The following PRMT2 variants were observed in gnomAD, a reference collection of about 807,000 sequenced individuals.
The protein encoded by PRMT2 is protein arginine methyltransferase 2, also known as protein arginine N-methyltransferase 2.
PRMT2 carries 26 observed loss-of-function variants against 57.6 expected under a neutral mutation model. The ratio of observed to expected loss-of-function variants is 0.45; its 90% confidence interval spans 0.33 to 0.63. PRMT2 has a LOEUF of 0.63. Among genes scored for constraint, PRMT2 ranks in the 20% least tolerant of loss-of-function variants. The pLI, the probability that PRMT2 is intolerant of heterozygous loss-of-function variation, is 0.02. For synonymous variants in PRMT2, 219 were observed against 220.0 expected (o/e 1.00, Z 0.04); for missense variants, 472 against 564.4 (o/e 0.84, Z 1.66).
intron 7 of PRMT2, among the ~76,000 whole-genome samples, chr21:46,651,569 G>A (rs891621823): frequency 3.9e-5 from 6 of 152,054 alleles, no homozygotes; most frequent in African/African-American, 4.8e-5. Context: ...GGGGGAAGGC[G>A]GAGCTTTGCA....
In PRMT2 at chr21:46,663,439, C is replaced by T; in HGVS notation, c.1154C>T (p.Thr385Ile). Residue 385 changes from threonine to isoleucine, a missense_variant, in exon 11 of 12, where the codon ACA becomes ATA. Coordinates refer to ENST00000355680, the MANE Select transcript of PRMT2 (RefSeq NM_206962.4). ...FMMDDPVPVH[T>I]GDVVTGSVVL... Reference sequence around the variant, plus strand: ...ATGGACGACCCAGTCCCTGTCCATACAGGAGACGTGGTCACGGGTTCAGTT... The same window carrying T: ...ATGGACGACCCAGTCCCTGTCCATATAGGAGACGTGGTCACGGGTTCAGTT... 2 of 1,614,206 alleles carry T rather than the reference C, an allele frequency of 1.2e-6. No homozygotes were observed. The highest frequency in any genetic ancestry group is 1.1e-5 in the South Asian group (1 of 91,090).
chr21:46,655,854 C>T (rs927683699), intron 7 of PRMT2, among the ~76,000 whole-genome samples: 10 of 152,066 alleles, frequency 6.6e-5, no homozygotes, highest in South Asian at 2.1e-4. Flanking sequence ...CTAGTAAAGA[C>T]GTATGTTCTT....
chr21:46,658,501 C>A, intron 7 of PRMT2: 1 of 534,312 alleles, frequency 1.9e-6, no homozygotes, highest in Non-Finnish European at 3.1e-6. Flanking sequence ...TAGCTCTGCT[C>A]CAGTTCATAG....
intron 7 of PRMT2, chr21:46,652,444 T>A: frequency 9.6e-7 from 1 of 1,046,662 alleles, no homozygotes; most frequent in Non-Finnish European, 1.2e-6. Flanking sequence ...GGTAACCTCA[T>A]GGAAGGTGAG....
chr21:46,656,433 G>T (rs1347905758), intron 7 of PRMT2, among the ~76,000 whole-genome samples: 1 of 152,188 alleles, frequency 6.6e-6, no homozygotes, highest in East Asian at 1.9e-4. Context: ...AAAGTTGGAG[G>T]AACTATACTA....
intron 10 of PRMT2, among the ~76,000 whole-genome samples, chr21:46,662,605 C>T (rs990562033): frequency 2.0e-5 from 3 of 152,110 alleles, no homozygotes; most frequent in African/African-American, 7.2e-5. Flanking sequence ...TACCCATCCC[C>T]GAGTCTGGGG....
chr21:46,640,712 T>A (rs935546108), intron 3 of PRMT2, among the ~76,000 whole-genome samples: 14 of 151,820 alleles, frequency 9.2e-5, no homozygotes, highest in African/African-American at 2.9e-4. Flanking sequence ...ATGGTTTTTT[T>A]TTTTTAATTT....
Position 46,643,511 on chromosome 21 carries a change from C to T in PRMT2, c.40-24C>T, listed in dbSNP as rs762503632. On this transcript the variant is annotated intron_variant, in intron 3 of 11. Coordinates refer to ENST00000355680, the MANE Select transcript of PRMT2 (RefSeq NM_206962.4). ...AAAAAAAGCTCCAGCGTCCTCTCCT[C>T]ACGCTTTCCTTGGCTTTGAGCAGGG... 4.7e-6 allele frequency: 7 copies of T among 1,499,022 alleles called. No homozygotes were observed. The Admixed American group carries it at 1.7e-4, about 36-fold the overall frequency. The allele number at this position is 1,499,022 out of a possible 1,614,324, so 92.9% of individuals were successfully genotyped here. A position where few individuals can be genotyped will look rare whatever the true frequency, so the allele number is the denominator to read the frequency against.
chr21:46,659,497 C>T, intron 8 of PRMT2: 1 of 979,834 alleles, frequency 1.0e-6, no homozygotes, highest in Non-Finnish European at 1.2e-6. Flanking sequence ...GGAATTGCAG[C>T]CCAATCATGT....
Position 46,643,644 on chromosome 21 carries a change from C to A in PRMT2, c.144+5C>A. ...GCTGCCACCGATGAGACCCAGGTAG[C>A]CACACGTGGTGGTTAATGCTTTATG... On this transcript the variant is annotated splice_donor_5th_base_variant and intron_variant, in intron 4 of 11. Transcript: ENST00000355680. The A allele has an allele frequency of 6.3e-7, 1 of 1,597,994 alleles. No homozygotes were observed. Among genetic ancestry groups the A allele is most frequent in the Admixed American group, 1.8e-5 (1 of 55,354 alleles).
intron 8 of PRMT2, chr21:46,659,797 A>G: frequency 1.0e-6 from 1 of 985,418 alleles, no homozygotes; most frequent in Non-Finnish European, 1.2e-6. Context: ...ACGTGATTGA[A>G]TTGCTGTATA....
At chr21:46,659,453 T>C in intron 8 of PRMT2, 1 of 985,500 alleles carries the variant, frequency 1.0e-6, no homozygotes, top group Non-Finnish European at 1.2e-6. Context: ...CTGTCAGGTC[T>C]TGGAATCAAT....
rs372245468 is a variant in PRMT2, at chr21:46,644,375, C to T, written c.214C>T (p.Arg72Cys). The T allele has an allele frequency of 1.7e-4, 266 of 1,612,030 alleles. 1 individual carries two copies. The highest frequency in any genetic ancestry group is 7.1e-4 in the South Asian group (64 of 90,744). ...CACTGCAGATTGGTGGTGGGGTGAG[C>T]GTGCGGGCTGCTGTGGGTACATTCC... ...QTTADWWWGE[R>C]AGCCGYIPAN... Residue 72 changes from arginine (R) to cysteine (C), a missense_variant, in exon 5 of 12, where the codon CGT becomes TGT. Physicochemically the swap from Arg to Cys is radical, Grantham distance 180. Coordinates refer to ENST00000355680, the MANE Select transcript of PRMT2 (RefSeq NM_206962.4).
chr21:46,645,267 A>AGCCTGGGCTACAGAGCGAGAGCCTGTCTC (rs2061343516), intron 5 of PRMT2, among the ~76,000 whole-genome samples: 1 of 20,070 alleles, frequency 5.0e-5, no homozygotes. Flanking sequence ...AGCCTGTCTC[A>AGCCTGGGCTACAGAGCGAGAGCCTGTCTC]AAAAAAAAAA....
chr21:46,642,962 G>A (rs2061301996), intron 3 of PRMT2, among the ~76,000 whole-genome samples: 1 of 151,980 alleles, frequency 6.6e-6, no homozygotes, highest in African/African-American at 2.4e-5. Context: ...AGGCGGCAGA[G>A]GTTGCCCTGA....
At position 46,663,498 on chromosome 21, in the gene PRMT2, A is replaced by G. The variant is rs761038706; in HGVS notation, c.1213A>G (p.Met405Val). 2 of 1,614,060 alleles carry G rather than the reference A, an allele frequency of 1.2e-6. No individual in the cohort carries two copies. The highest frequency in any genetic ancestry group is 1.7e-5 in the Admixed American group (1 of 60,004). Residue 405 changes from methionine to valine, a missense_variant, in exon 11 of 12, where the codon ATG (methionine) becomes GTG (valine). Met to Val is a conservative substitution (Grantham distance 21). Around this residue, in one of 2 missense-constraint regions of PRMT2, gnomAD observed 229 missense variants for 217.2 expected, o/e 1.05. Transcript: ENST00000355680. ...GAGAAACCCAGTGTGGAGAAGGCACATGTCTGTGGCTCTGAGCTGGGCTGT... is the reference window on the plus strand; with the variant it reads ...GAGAAACCCAGTGTGGAGAAGGCACGTGTCTGTGGCTCTGAGCTGGGCTGT... ...LQRNPVWRRH[M>V]SVALSWAVTS...
intron 8 of PRMT2, chr21:46,659,253 T>G: frequency 9.5e-7 from 1 of 1,051,606 alleles, no homozygotes; most frequent in Non-Finnish European, 1.1e-6. Context: ...ACGTGAAAAC[T>G]TAATTCTGCA....
Position 46,649,720 on chromosome 21 carries a change from G to GCC in PRMT2, c.635_636insCC (p.Trp212CysfsTer12). On this transcript the variant is annotated frameshift_variant, in exon 7 of 12. Transcript: ENST00000355680. LOFTEE classifies it high-confidence loss of function. This position sits in a 1 kb window ranked among gnomAD's most constrained non-coding sequence, Gnocchi z 4.8. ...AAGGTGGACGTGCTGGTGTCTGAGT[G>GCC]GATGGGGACCTGCCTGCTGGTGAGG... 6.2e-7 allele frequency: 1 copy of GCC among 1,613,808 alleles called. No individual in the cohort carries two copies. The highest frequency in any genetic ancestry group is 8.5e-7 in the Non-Finnish European group (1 of 1,179,936).
intron 5 of PRMT2, among the ~76,000 whole-genome samples, chr21:46,645,266 C>CA (rs61110307): frequency 2.3e-4 from 6 of 25,576 alleles, no homozygotes; most frequent in Non-Finnish European, 4.0e-4. Context: ...GAGCCTGTCT[C>CA]AAAAAAAAAA....
Sources: allele counts gnomAD v4.1 joint callset (sites outside exome capture counted in the v4.1 genomes callset), GRCh38; gene constraint gnomAD v4.1.1; regional missense constraint gnomAD v4.1.1; non-coding constraint Gnocchi (gnomAD v3.1); transcripts MANE v1.5; gene names NCBI Gene and HGNC (gene_info 2026-07-23, HGNC 2026-07-21).